Variants in DLGAP1 observed in about 807,000 individuals in gnomAD.
DLGAP1 encodes the protein disks large-associated protein 1.
Under a neutral mutation model 90.8 loss-of-function variants are expected in DLGAP1, and 11 were observed. That is an observed-to-expected ratio of 0.12 (90% CI 0.08 to 0.20). The LOEUF is 0.20. DLGAP1 is among the 10% of genes least tolerant of loss of function. DLGAP1 has a pLI of 1.00. For missense variants in DLGAP1, 1,050 were observed against 1,333.8 expected (o/e 0.79, Z 3.31); for synonymous variants, 558 against 540.7 (o/e 1.03, Z -0.44).
At chr18:3,578,340 A>G (rs554938377) in intron 8 of DLGAP1, among the ~76,000 whole-genome samples, 1 of 152,126 alleles carries the variant, frequency 6.6e-6, no homozygotes, top group African/African-American at 2.4e-5. Flanking sequence ...ACGAAATTCA[A>G]TGAATAGTTT....
intron 1 of DLGAP1, among the ~76,000 whole-genome samples, chr18:4,429,434 G>C (rs1442245089): frequency 1.3e-5 from 2 of 152,098 alleles, no homozygotes; most frequent in Non-Finnish European, 2.9e-5. Flanking sequence ...CATTTATAAA[G>C]TATTTTGATT....
intron 3 of DLGAP1, among the ~76,000 whole-genome samples, chr18:3,967,852 T>C (rs79747906): frequency 0.1 from 15,831 of 152,140 alleles, 1,238 homozygotes; most frequent in African/African-American, 0.21. Context: ...ACTATGCAGA[T>C]TGATCCCCAC....
At chr18:3,741,133 CCA>C (rs1750694331) in intron 6 of DLGAP1, among the ~76,000 whole-genome samples, 6 of 111,728 alleles carry the variant, frequency 5.4e-5, no homozygotes, top group Admixed American at 8.4e-5. Context: ...ACCACCACCA[CCA>C]CATCACCATC....
At chr18:4,139,340 C>T (rs140387985) in intron 2 of DLGAP1, among the ~76,000 whole-genome samples, 17 of 151,952 alleles carry the variant, frequency 1.1e-4, no homozygotes, top group East Asian at 1.9e-4. Flanking sequence ...ATTTGTTTCA[C>T]GACATATTTA....
At chr18:4,210,815 C>T (rs1481445517) in intron 1 of DLGAP1, among the ~76,000 whole-genome samples, 1 of 152,116 alleles carries the variant, frequency 6.6e-6, no homozygotes, top group African/African-American at 2.4e-5. Context: ...ACTCTTCAGA[C>T]AATACTGATG....
chr18:4,399,413 G>A (rs1247348312), intron 1 of DLGAP1, among the ~76,000 whole-genome samples: 2 of 152,138 alleles, frequency 1.3e-5, no homozygotes, highest in Admixed American at 6.6e-5. Flanking sequence ...AAAAATCCTT[G>A]TAAAATAAGT....
chr18:3,827,980 CA>C (rs2067812274), intron 4 of DLGAP1, among the ~76,000 whole-genome samples: 1 of 152,168 alleles, frequency 6.6e-6, no homozygotes, highest in Non-Finnish European at 1.5e-5. Flanking sequence ...AGATGCTTGC[CA>C]AATGAATAGT....
At chr18:4,375,326 A>C (rs2081994097) in intron 1 of DLGAP1, among the ~76,000 whole-genome samples, 1 of 152,158 alleles carries the variant, frequency 6.6e-6, no homozygotes, top group African/African-American at 2.4e-5. Flanking sequence ...TTAATCCAAA[A>C]ATTTTGGTCC....
At chr18:4,142,080 C>A (rs2144317026) in intron 2 of DLGAP1, among the ~76,000 whole-genome samples, 1 of 152,186 alleles carries the variant, frequency 6.6e-6, no homozygotes, top group South Asian at 2.1e-4. Context: ...TTATTGTAGT[C>A]TTCACAGTCC....
intron 7 of DLGAP1, among the ~76,000 whole-genome samples, chr18:3,620,821 G>T (rs998950277): frequency 6.6e-6 from 1 of 152,156 alleles, no homozygotes; most frequent in Non-Finnish European, 1.5e-5. Context: ...GCCTCCCAAA[G>T]TGTTGGGATT....
At chr18:4,331,635 G>C (rs564005291) in intron 1 of DLGAP1, among the ~76,000 whole-genome samples, 5 of 151,850 alleles carry the variant, frequency 3.3e-5, no homozygotes, top group Non-Finnish European at 5.9e-5. Context: ...TCCTCCCCAT[G>C]ACCAAGAAGC....
chr18:3,635,268 C>T (rs879317977), intron 7 of DLGAP1, among the ~76,000 whole-genome samples: 77 of 152,122 alleles, frequency 5.1e-4, no homozygotes, highest in African/African-American at 1.1e-3. Flanking sequence ...GTAGCTGGGA[C>T]TACAGGCGCC....
chr18:4,428,643 C>A (rs1047886742), intron 1 of DLGAP1, among the ~76,000 whole-genome samples: 2 of 152,118 alleles, frequency 1.3e-5, no homozygotes, highest in African/African-American at 4.8e-5. Flanking sequence ...ACATAAGACA[C>A]CTGCTCCCAC....
At chr18:3,726,211 G>A (rs1212518799) in intron 7 of DLGAP1, among the ~76,000 whole-genome samples, 9 of 152,288 alleles carry the variant, frequency 5.9e-5, no homozygotes, top group Non-Finnish European at 5.9e-5. Context: ...ACCGAGATGT[G>A]CATCTGACCC....
chr18:4,168,749 A>AT (rs1555753784), intron 1 of DLGAP1, among the ~76,000 whole-genome samples: 2 of 152,100 alleles, frequency 1.3e-5, no homozygotes, highest in Non-Finnish European at 2.9e-5. Context: ...TAAGTAAATG[A>AT]TTAATTTATT....
chr18:4,277,828 T>G (rs887501076), intron 1 of DLGAP1, among the ~76,000 whole-genome samples: 1 of 152,178 alleles, frequency 6.6e-6, no homozygotes, highest in African/African-American at 2.4e-5. Flanking sequence ...TTTGTCCACA[T>G]ATCGGTAATA....
At chr18:4,162,914 TTTTTTA>T (rs957197915) in intron 1 of DLGAP1, among the ~76,000 whole-genome samples, 2 of 142,126 alleles carry the variant, frequency 1.4e-5, no homozygotes, top group Admixed American at 6.8e-5. Context: ...ATCAGAGTTT[TTTTTTA>T]AAAAAAAACA....
At chr18:3,661,571 CTTTTTTTTTTT>C (rs10549959) in intron 7 of DLGAP1, among the ~76,000 whole-genome samples, 49 of 125,232 alleles carry the variant, frequency 3.9e-4, no homozygotes, top group Admixed American at 4.3e-4. Flanking sequence ...GCTGTAAGGT[CTTTTTTTTTTT>C]TTTTTTTTTT....
chr18:3,703,876 G>C (rs2061356394), intron 7 of DLGAP1, among the ~76,000 whole-genome samples: 1 of 152,062 alleles, frequency 6.6e-6, no homozygotes, highest in South Asian at 2.1e-4. Flanking sequence ...AATTTCCTTG[G>C]AGATTACTGC....
Sources: allele counts gnomAD v4.1 joint callset (sites outside exome capture counted in the v4.1 genomes callset), GRCh38; gene constraint gnomAD v4.1.1; transcripts MANE v1.5; gene names NCBI Gene and HGNC (gene_info 2026-07-23, HGNC 2026-07-21).